MAGI1: variants seen among roughly 807,000 people sequenced by gnomAD.
MAGI1 encodes membrane-associated guanylate kinase, WW and PDZ domain-containing protein 1.
Under a neutral mutation model 139.9 loss-of-function variants are expected in MAGI1, and 58 were observed. The observed-to-expected ratio is 0.41, with a 90% CI of 0.34 to 0.52. The LOEUF is 0.52. Among genes scored for constraint, MAGI1 ranks in the 20% least tolerant of loss-of-function variants. MAGI1 has a pLI of 0.12. For missense variants in MAGI1, 1,874 were observed against 1,901.6 expected (o/e 0.99, Z 0.27); for synonymous variants, 812 against 737.9 (o/e 1.10, Z -1.63).
chr3:65,373,837 G>A (rs1247424446), intron 18 of MAGI1, among the ~76,000 whole-genome samples: 9 of 152,310 alleles, frequency 5.9e-5, no homozygotes, highest in Admixed American at 5.2e-4. Context: ...CATTCAAGAG[G>A]CCAGTGTTTT....
At chr3:65,737,339 A>G (rs546822122) in intron 1 of MAGI1, among the ~76,000 whole-genome samples, 18 of 152,356 alleles carry the variant, frequency 1.2e-4, no homozygotes, top group African/African-American at 4.3e-4. Flanking sequence ...ATGGATGGAC[A>G]GATGGACGGA....
At chr3:65,602,418 C>G (rs556609599) in intron 2 of MAGI1, among the ~76,000 whole-genome samples, 1 of 152,052 alleles carries the variant, frequency 6.6e-6, no homozygotes, top group South Asian at 2.1e-4. Context: ...GAAAACATCA[C>G]GCTGAGTAAA....
Position 65,976,977 on chromosome 3 carries a change from G to T in MAGI1, c.313+61019C>A, listed in dbSNP as rs2065296850. On this transcript the variant is annotated intron_variant, in intron 1 of 22. Transcript: ENST00000402939. ...TTACAGGTATTTTCAAGCAGAAATT[G>T]TGCACATATTACAAGTTAACAAGAA... is the stretch of plus-strand genomic sequence containing the variant. 2.6e-5 allele frequency among the ~76,000 whole-genome samples: 4 copies of T among 152,264 alleles called. No individual in the cohort carries two copies. In the South Asian group the frequency reaches 6.2e-4, roughly 24 times the overall value.
At chr3:65,727,346 T>C (rs1456303737) in intron 1 of MAGI1, among the ~76,000 whole-genome samples, 1 of 152,192 alleles carries the variant, frequency 6.6e-6, no homozygotes, top group African/African-American at 2.4e-5. Flanking sequence ...CAATAAACAT[T>C]TGAGTTACAA....
At chr3:65,636,745 G>A (rs1007214967) in intron 1 of MAGI1, among the ~76,000 whole-genome samples, 1 of 147,724 alleles carries the variant, frequency 6.8e-6, no homozygotes, top group Admixed American at 6.7e-5. Flanking sequence ...CACACATTAA[G>A]CCATTTATTT....
intron 2 of MAGI1, among the ~76,000 whole-genome samples, chr3:65,534,970 A>G (rs768749855): frequency 2.0e-5 from 3 of 152,120 alleles, no homozygotes; most frequent in South Asian, 2.1e-4. Flanking sequence ...GGAAGTGCCA[A>G]CTCTCCATGT....
At position 66,006,499 on chromosome 3, in the gene MAGI1, GTATATGTGTCTATACA is replaced by G. The variant is rs1399175394; in HGVS notation, c.313+31481_313+31496del. Among the ~76,000 whole-genome samples, 3 of 152,266 alleles carry G rather than the reference GTATATGTGTCTATACA, an allele frequency of 2.0e-5. No individual in the cohort carries two copies. In the East Asian group the frequency reaches 5.8e-4, roughly 29 times the overall value. On this transcript the variant is annotated intron_variant, in intron 1 of 22. Transcript: ENST00000402939. ...TATGTATATATGTGTGTATGGGTAT[GTATATGTGTCTATACA>G]TATACATATGAGTAAGACAAACTAG...
chr3:65,796,546 T>C lies in MAGI1; in HGVS notation c.314-174458A>G, dbSNP rs541671501. Among the ~76,000 whole-genome samples the C allele has an allele frequency of 5.2e-4, 79 of 152,278 alleles. 1 individual carries two copies. Among genetic ancestry groups the C allele is most frequent in the Non-Finnish European group, 9.4e-4 (64 of 68,030 alleles). On this transcript the variant is annotated intron_variant, in intron 1 of 22. Coordinates refer to ENST00000402939, the MANE Select transcript of MAGI1 (RefSeq NM_001033057.2). ...ACGGACACACTGGCTCCCACAGCGG[T>C]TGGTCTCTGACATCAGCTATATCTA...
chr3:65,701,243 A>T (rs1322541394), intron 1 of MAGI1, among the ~76,000 whole-genome samples: 2 of 152,344 alleles, frequency 1.3e-5, no homozygotes, highest in East Asian at 3.9e-4. Context: ...GAAAAGCTCT[A>T]ACTTGATTCC....
intron 1 of MAGI1, among the ~76,000 whole-genome samples, chr3:65,812,468 T>TCTCTCTCTCACACACACA (rs1176899313): frequency 1.1e-5 from 1 of 89,168 alleles, no homozygotes; most frequent in African/African-American, 3.2e-5. Flanking sequence ...TCTCTCTCTC[T>TCTCTCTCTCACACACACA]CACACACACA....
chr3:65,771,968 C>T (rs1443205987), intron 1 of MAGI1, among the ~76,000 whole-genome samples: 2 of 152,126 alleles, frequency 1.3e-5, no homozygotes, highest in African/African-American at 4.8e-5. Context: ...TTTGGGAGGC[C>T]GAGGCGGGTG....
In MAGI1 at chr3:65,868,283, C is replaced by T. The variant is rs545620746; in HGVS notation, c.313+169713G>A. On this transcript the variant is annotated intron_variant, in intron 1 of 22. Coordinates refer to ENST00000402939, the MANE Select transcript of MAGI1 (RefSeq NM_001033057.2). Reference sequence around the variant, plus strand: ...TCACCACTGCACAGTAAATACTCAACATGTGTGAGACCCCAAACTAAATGC... The same window carrying T: ...TCACCACTGCACAGTAAATACTCAATATGTGTGAGACCCCAAACTAAATGC... 4.6e-5 allele frequency among the ~76,000 whole-genome samples: 7 copies of T among 152,316 alleles called. No individual in the cohort carries two copies. In the East Asian group the frequency reaches 1.4e-3, roughly 29 times the overall value.
rs755825684 is a variant in MAGI1 at position 65,587,479 on chromosome 3, C to CTTTTTTTT, written c.430+34485_430+34492dup. 3.4e-3 allele frequency among the ~76,000 whole-genome samples: 377 copies of CTTTTTTTT among 109,428 alleles called. 1 individual carries two copies. The highest frequency in any genetic ancestry group is 5.6e-3 in the Middle Eastern group (1 of 178). The allele number at this position is 109,428 out of a possible 152,430, so 71.8% of individuals were successfully genotyped here. A position where few individuals can be genotyped will look rare whatever the true frequency, so the allele number is the denominator to read the frequency against. On this transcript the variant is annotated intron_variant, in intron 2 of 22. Transcript: ENST00000402939. ...CATTTTATTTTATTATTACTTTTTT[C>CTTTTTTTT]TTTTTTTTTTTTTTTTTTTTTTGAG...
At chr3:65,565,455 T>C (rs567451703) in intron 2 of MAGI1, among the ~76,000 whole-genome samples, 194 of 152,322 alleles carry the variant, frequency 1.3e-3, no homozygotes, top group Non-Finnish European at 2.4e-3. Flanking sequence ...TGGTCATTTG[T>C]GTTCACGGTT....
At chr3:65,463,458 G>A (rs1559576763) in intron 5 of MAGI1, among the ~76,000 whole-genome samples, 2 of 152,124 alleles carry the variant, frequency 1.3e-5, no homozygotes, top group Non-Finnish European at 2.9e-5. Context: ...AAGCTGACTT[G>A]ATCGTGGTGG....
At chr3:65,678,342 AAAAAT>A (rs890509780) in intron 1 of MAGI1, among the ~76,000 whole-genome samples, 1 of 93,360 alleles carries the variant, frequency 1.1e-5, no homozygotes, top group Non-Finnish European at 2.1e-5. Context: ...AAAACCTTTA[AAAAAT>A]AAAATAAAAA....
At chr3:65,498,714 C>T (rs886105882) in intron 2 of MAGI1, among the ~76,000 whole-genome samples, 1 of 152,176 alleles carries the variant, frequency 6.6e-6, no homozygotes, top group Non-Finnish European at 1.5e-5. Context: ...CATCCTTAAC[C>T]ATCACTGTCT....
chr3:65,556,833 G>C (rs1178934893), intron 2 of MAGI1, among the ~76,000 whole-genome samples: 1 of 152,088 alleles, frequency 6.6e-6, no homozygotes, highest in Non-Finnish European at 1.5e-5. Context: ...GACCTAAAAG[G>C]ACATGTCTTT....
chr3:65,987,524 G>C (rs943117169), intron 1 of MAGI1, among the ~76,000 whole-genome samples: 4 of 152,142 alleles, frequency 2.6e-5, no homozygotes, highest in South Asian at 4.1e-4. Context: ...CAAAATTTAA[G>C]AGGCACCAAA....
Sources: gnomAD v4.1 joint callset for allele counts (sites outside exome capture counted in the v4.1 genomes callset) on GRCh38, gnomAD v4.1.1 for gene constraint, MANE v1.5 for transcripts, NCBI Gene and HGNC (gene_info 2026-07-23, HGNC 2026-07-21) for gene names.